Variants in LAMA2 observed in about 807,000 individuals in gnomAD.
LAMA2 encodes the protein laminin subunit alpha 2, also known as laminin subunit alpha-2.
A neutral mutation model predicts 364.8 loss-of-function variants in LAMA2; 269 were observed. The observed-to-expected ratio is 0.74, with a 90% CI of 0.67 to 0.82. LAMA2 has a LOEUF of 0.82. Ranked by LOEUF, LAMA2 falls within the 40% of genes least tolerant of loss-of-function variation. The pLI is 0.00. For synonymous variants in LAMA2, 1,379 were observed against 1,370.6 expected (o/e 1.01, Z -0.14); for missense variants, 3,807 against 3,873.2 (o/e 0.98, Z 0.45).
At chr6:129,246,568 G>A (rs1413985937) in intron 12 of LAMA2, among the ~76,000 whole-genome samples, 4 of 152,268 alleles carry the variant, frequency 2.6e-5, no homozygotes, top group African/African-American at 4.8e-5. Flanking sequence ...CTTGAATGAC[G>A]TTAGGGATCC....
chr6:129,184,121 A>G (rs1342553783), intron 10 of LAMA2, among the ~76,000 whole-genome samples: 3 of 151,892 alleles, frequency 2.0e-5, no homozygotes, highest in Non-Finnish European at 4.4e-5. Context: ...CCAAGTAGAG[A>G]TAAGTTTCTG....
chr6:128,913,956 T>A (rs1049575775), intron 1 of LAMA2, among the ~76,000 whole-genome samples: 11 of 152,078 alleles, frequency 7.2e-5, no homozygotes, highest in African/African-American at 2.7e-4. Context: ...CTGCTGTGGG[T>A]ATAAGCACAT....
At chr6:129,442,818 G>T (rs552593085) in intron 43 of LAMA2, 3 of 520,866 alleles carry the variant, frequency 5.8e-6, no homozygotes, top group East Asian at 7.6e-5. Context: ...ATTAAATTGG[G>T]TCTGTTTTCT....
intron 34 of LAMA2, among the ~76,000 whole-genome samples, chr6:129,377,015 A>G (rs1216490360): frequency 6.6e-6 from 1 of 152,180 alleles, no homozygotes; most frequent in Non-Finnish European, 1.5e-5. Flanking sequence ...ACAAGATGGA[A>G]ATGTAGACAA....
At chr6:129,041,498 C>T (rs1415270253) in intron 1 of LAMA2, among the ~76,000 whole-genome samples, 2 of 152,190 alleles carry the variant, frequency 1.3e-5, no homozygotes, top group African/African-American at 4.8e-5. Flanking sequence ...CTGTATCCAA[C>T]ATCCTTTTCT....
chr6:129,417,380 G>A (rs758954806), intron 40 of LAMA2, among the ~76,000 whole-genome samples: 1 of 152,148 alleles, frequency 6.6e-6, no homozygotes, highest in Non-Finnish European at 1.5e-5. Flanking sequence ...CCTATCCACA[G>A]GTAGATCATC....
chr6:128,926,842 G>A (rs1285143723), intron 1 of LAMA2, among the ~76,000 whole-genome samples: 10 of 152,132 alleles, frequency 6.6e-5, no homozygotes, highest in Admixed American at 2.0e-4. Flanking sequence ...ATATAACGTT[G>A]TAGTATTATT....
chr6:129,040,067 T>A (rs1292769980), intron 1 of LAMA2, among the ~76,000 whole-genome samples: 1 of 152,120 alleles, frequency 6.6e-6, no homozygotes, highest in African/African-American at 2.4e-5. Flanking sequence ...AAAAAGTAAT[T>A]AAACTGGAAG....
intron 22 of LAMA2, among the ~76,000 whole-genome samples, chr6:129,305,966 T>G (rs1179519714): frequency 6.6e-6 from 1 of 152,064 alleles, no homozygotes; most frequent in Non-Finnish European, 1.5e-5. Context: ...AGAATGTACA[T>G]TAAAATAATA....
At chr6:129,472,733 A>G (rs1353412044) in intron 51 of LAMA2, among the ~76,000 whole-genome samples, 2 of 151,970 alleles carry the variant, frequency 1.3e-5, no homozygotes, top group African/African-American at 4.8e-5. Flanking sequence ...ATGTACAATC[A>G]TATTTTACAA....
At chr6:128,910,723 G>A (rs192504731) in intron 1 of LAMA2, among the ~76,000 whole-genome samples, 1 of 151,960 alleles carries the variant, frequency 6.6e-6, no homozygotes, top group East Asian at 1.9e-4. Flanking sequence ...CTGCTTTTTA[G>A]AGTTTCCAGT....
chr6:128,930,154 G>T (rs768380006), intron 1 of LAMA2, among the ~76,000 whole-genome samples: 5 of 152,208 alleles, frequency 3.3e-5, no homozygotes, highest in Non-Finnish European at 5.9e-5. Flanking sequence ...GTGCACGGCG[G>T]CACTGCGTTT....
At chr6:129,192,569 G>A in intron 11 of LAMA2, 111 bp from the exon 12 acceptor site, 1 of 970,232 alleles carries the variant, frequency 1.0e-6, no homozygotes, top group South Asian at 1.4e-5. Context: ...TTTGTGGTTT[G>A]GTTTTTTTTG....
At chr6:129,039,583 G>C (rs370471095) in intron 1 of LAMA2, among the ~76,000 whole-genome samples, 1 of 152,198 alleles carries the variant, frequency 6.6e-6, no homozygotes, top group South Asian at 2.1e-4. Flanking sequence ...TGGGAGTAGA[G>C]TCACGCAGGA....
chr6:129,210,983 T>C (rs1022645157), intron 12 of LAMA2, among the ~76,000 whole-genome samples: 1 of 152,172 alleles, frequency 6.6e-6, no homozygotes, highest in Admixed American at 6.5e-5. Flanking sequence ...GAGCTCTACC[T>C]ACATTATGTC....
At position 129,459,048 on chromosome 6, in the gene LAMA2, G is replaced by A. The variant is rs143460189; in HGVS notation, c.6868-1152G>A. Among the ~76,000 whole-genome samples the A allele has an allele frequency of 1.4e-3, 210 of 152,048 alleles. 1 individual carries two copies. Among genetic ancestry groups the A allele is most frequent in the African/African-American group, 4.8e-3 (201 of 41,492 alleles). ...GACAAGAATACATTCTGAGAAAGTT[G>A]GAATTAGGCAATTTCCTCAATGTGC... On this transcript the variant is annotated intron_variant, in intron 48 of 64. Coordinates refer to ENST00000421865, the MANE Select transcript of LAMA2 (RefSeq NM_000426.4).
chr6:129,259,027 G>T (rs1349401703), intron 14 of LAMA2, among the ~76,000 whole-genome samples: 2 of 152,094 alleles, frequency 1.3e-5, no homozygotes, highest in African/African-American at 2.4e-5. Context: ...GCACTCAGCA[G>T]CCAGGATGAT....
chr6:129,093,656 T>C (rs1774986814), intron 3 of LAMA2, among the ~76,000 whole-genome samples: 2 of 152,208 alleles, frequency 1.3e-5, no homozygotes, highest in Admixed American at 6.5e-5. Flanking sequence ...CTTCTTATTA[T>C]AGGAGGAACA....
chr6:128,984,584 C>G (rs1373796116), intron 1 of LAMA2, among the ~76,000 whole-genome samples: 1 of 151,884 alleles, frequency 6.6e-6, no homozygotes, highest in Non-Finnish European at 1.5e-5. Flanking sequence ...AATTGAATTA[C>G]AAGTTTCTCA....
Sources: gnomAD v4.1 joint callset for allele counts (sites outside exome capture counted in the v4.1 genomes callset) on GRCh38, gnomAD v4.1.1 for gene constraint, MANE v1.5 for transcripts, NCBI Gene and HGNC (gene_info 2026-07-23, HGNC 2026-07-21) for gene names.